NRIP1: variants seen among roughly 807,000 people sequenced by gnomAD.
NRIP1 encodes nuclear receptor-interacting protein 1.
In NRIP1, 28 loss-of-function variants were observed where a neutral mutation model predicts 75.0. The observed-to-expected ratio is 0.37, with a 90% CI of 0.28 to 0.51. The LOEUF (loss-of-function observed/expected upper bound fraction) is 0.51. Ranked by LOEUF, NRIP1 falls within the 20% of genes least tolerant of loss-of-function variation. The pLI is 0.92. For missense variants in NRIP1, 1,435 were observed against 1,343.7 expected (o/e 1.07, Z -1.06); for synonymous variants, 526 against 487.6 (o/e 1.08, Z -1.04).
At chr21:14,999,670 C>T (rs965390790) in intron 3 of NRIP1, among the ~76,000 whole-genome samples, 13 of 152,108 alleles carry the variant, frequency 8.5e-5, no homozygotes, top group Non-Finnish European at 1.9e-4. Flanking sequence ...ATCAGTTAAA[C>T]GAACTCTTTA....
chr21:15,018,823 T>G (rs2088298464), intron 2 of NRIP1, among the ~76,000 whole-genome samples: 1 of 152,114 alleles, frequency 6.6e-6, no homozygotes, highest in Admixed American at 6.5e-5. Flanking sequence ...GCATAAACAT[T>G]ACAATGAGAA....
At chr21:15,015,306 T>C (rs1194126777) in intron 2 of NRIP1, among the ~76,000 whole-genome samples, 1 of 152,216 alleles carries the variant, frequency 6.6e-6, no homozygotes, top group East Asian at 1.9e-4. Flanking sequence ...AAATATCATC[T>C]TAATGGTGAT....
chr21:14,986,915 A>G (rs1001276093), intron 3 of NRIP1, among the ~76,000 whole-genome samples: 121 of 152,198 alleles, frequency 8.0e-4, no homozygotes, highest in African/African-American at 2.8e-3. Flanking sequence ...TGTTTTCATA[A>G]TAGCATGGCA....
chr21:14,986,167 T>C (rs2147045334), intron 3 of NRIP1, among the ~76,000 whole-genome samples: 1 of 152,358 alleles, frequency 6.6e-6, no homozygotes, highest in Non-Finnish European at 1.5e-5. Context: ...CTTGGAATGA[T>C]CTTTTTAATT....
rs575697728 is a variant in NRIP1, at chr21:15,013,893, C to T, written c.-335+451G>A. ...AACATGCTTCTATTTTTCCTCAAAA[C>T]GGTAATTAACTTTTTATCTGAAATC... On this transcript the variant is annotated intron_variant, in intron 3 of 3. Coordinates refer to ENST00000318948, the MANE Select transcript of NRIP1 (RefSeq NM_003489.4). Among the ~76,000 whole-genome samples, 59 of 152,270 alleles carry T rather than the reference C, an allele frequency of 3.9e-4. 2 individuals carry two copies. The highest frequency in any genetic ancestry group is 2.9e-3 in the Admixed American group (45 of 15,306).
chr21:14,968,429 C>A lies in NRIP1; in HGVS notation c.-237G>T, dbSNP rs759077487. 4 of 490,488 alleles carry A rather than the reference C, an allele frequency of 8.2e-6. No individual in the cohort carries two copies. The highest frequency in any genetic ancestry group is 1.5e-5 in the Non-Finnish European group (4 of 269,972). The allele number at this position is 490,488 out of a possible 1,614,324, so 30.4% of individuals were successfully genotyped here. On this transcript the variant is annotated 5_prime_UTR_variant, in exon 4 of 4. Coordinates refer to ENST00000318948, the MANE Select transcript of NRIP1 (RefSeq NM_003489.4). ...AAGGAGGAGGAGAAGAATTCCTTAA[C>A]ACATAGGTCTGTAGCAGTAAGCAGA...
rs559581095 is a variant in NRIP1, at chr21:14,975,477, G to GGT, written c.-334-6953_-334-6952dup. 2.6e-5 allele frequency among the ~76,000 whole-genome samples: 4 copies of GGT among 151,586 alleles called. 1 individual carries two copies. The South Asian group carries it at 8.4e-4, about 32-fold the overall frequency. ...TCTAAGAAAACTGAAGATGGGGCTG[G>GGT]GTACGGTGGCTAGCCTGTAATCCTA... is the stretch of plus-strand genomic sequence containing the variant. On this transcript the variant is annotated intron_variant, in intron 3 of 3. Transcript: ENST00000318948.
chr21:15,031,286 G>A (rs1395722956), intron 2 of NRIP1, among the ~76,000 whole-genome samples: 4 of 144,966 alleles, frequency 2.8e-5, no homozygotes, highest in African/African-American at 7.7e-5. Flanking sequence ...CACTCTGGAA[G>A]GCGGTTGGAG....
Position 15,046,815 on chromosome 21 carries a change from G to A in NRIP1, c.-537-3241C>T, listed in dbSNP as rs961861438. ...CTACATCAGCATTACCTGCTTCATC[G>A]TGCACTTTTATGTTATCCAGGCAGC... On this transcript the variant is annotated intron_variant, in intron 1 of 3. Transcript: ENST00000318948. 4.6e-5 allele frequency among the ~76,000 whole-genome samples: 7 copies of A among 152,218 alleles called. No individual in the cohort carries two copies. The East Asian group carries it at 7.7e-4, about 17-fold the overall frequency.
chr21:15,005,722 C>CTTCCTCCTCTGT, intron 3 of NRIP1, among the ~76,000 whole-genome samples: 2 of 152,204 alleles, frequency 1.3e-5, no homozygotes, highest in Admixed American at 1.3e-4. Flanking sequence ...TCCTCTTAAC[C>CTTCCTCCTCTGT]CTTCCCAAGC....
At chr21:14,995,976 C>G (rs2087711615) in intron 3 of NRIP1, among the ~76,000 whole-genome samples, 1 of 152,124 alleles carries the variant, frequency 6.6e-6, no homozygotes, top group African/African-American at 2.4e-5. Flanking sequence ...TGCATCTGAC[C>G]AACCTTATCT....
chr21:14,991,971 C>G (rs959679230), intron 3 of NRIP1, among the ~76,000 whole-genome samples: 1 of 151,970 alleles, frequency 6.6e-6, no homozygotes, highest in African/African-American at 2.4e-5. Flanking sequence ...TTCCTTTTCC[C>G]CTTTCTCTGA....
intron 3 of NRIP1, among the ~76,000 whole-genome samples, chr21:14,972,732 G>A (rs1439312342): frequency 6.6e-6 from 1 of 152,196 alleles, no homozygotes; most frequent in Non-Finnish European, 1.5e-5. Context: ...GTAGCGGGGT[G>A]GAGATGGTTT....
intron 2 of NRIP1, among the ~76,000 whole-genome samples, chr21:15,034,772 ACT>A (rs1348378632): frequency 6.6e-6 from 1 of 152,138 alleles, no homozygotes; most frequent in Non-Finnish European, 1.5e-5. Flanking sequence ...GTTTGTGGAA[ACT>A]CTTAAAAGTA....
intron 1 of NRIP1, chr21:15,050,928 T>C (rs2089187455): frequency 4.4e-6 from 2 of 455,734 alleles, no homozygotes; most frequent in African/African-American, 4.0e-5. Context: ...AGAGCCTGTA[T>C]ACCTATAACT....
At chr21:15,056,230 A>C (rs2089303084) in intron 1 of NRIP1, among the ~76,000 whole-genome samples, 1 of 152,000 alleles carries the variant, frequency 6.6e-6, no homozygotes, top group Non-Finnish European at 1.5e-5. Context: ...AACCTGAAAA[A>C]TCTAACGATT....
In NRIP1 at chr21:15,014,434, A is replaced by G. The variant is rs918410362; in HGVS notation, c.-425T>C. Reference sequence around the variant, plus strand: ...AGCTCTGATGTCATCCGGAGTCTTCAGATTCCCTGTCCTCCTTCAGTCAAG... The same window carrying G: ...AGCTCTGATGTCATCCGGAGTCTTCGGATTCCCTGTCCTCCTTCAGTCAAG... On this transcript the variant is annotated 5_prime_UTR_variant, in exon 3 of 4. Transcript: ENST00000318948. The G allele has an allele frequency of 2.5e-6, 1 of 398,466 alleles. No homozygotes were observed. The highest frequency in any genetic ancestry group is 4.4e-6 in the Non-Finnish European group (1 of 225,934). The allele number at this position is 398,466 out of a possible 1,614,324, so 24.7% of individuals were successfully genotyped here.
At chr21:15,057,299 C>G (rs2089327452) in intron 1 of NRIP1, among the ~76,000 whole-genome samples, 1 of 152,210 alleles carries the variant, frequency 6.6e-6, no homozygotes, top group Non-Finnish European at 1.5e-5. Flanking sequence ...TGGGAACACT[C>G]AGTTTAAGAC....
chr21:15,065,652 C>A (rs1022170143), upstream of NRIP1: 9 of 152,298 alleles, frequency 5.9e-5, no homozygotes, highest in African/African-American at 2.2e-4. Flanking sequence ...GTCACTTTGA[C>A]CCCACGCCCA....
Sources: allele counts gnomAD v4.1 joint callset (sites outside exome capture counted in the v4.1 genomes callset), GRCh38; gene constraint gnomAD v4.1.1; transcripts MANE v1.5; gene names NCBI Gene and HGNC (gene_info 2026-07-23, HGNC 2026-07-21).